Variants in SPAG9 observed in about 807,000 individuals in gnomAD.
SPAG9 encodes C-Jun-amino-terminal kinase-interacting protein 4.
A neutral mutation model predicts 166.5 loss-of-function variants in SPAG9; 35 were observed. That is an observed-to-expected ratio of 0.21 (90% CI 0.16 to 0.28). The LOEUF (loss-of-function observed/expected upper bound fraction) is 0.28. SPAG9 is among the 10% of genes least tolerant of loss of function. The probability of loss-of-function intolerance (pLI) is 1.00; values close to 1 mark genes in which losing one functional copy is unlikely to be tolerated. For synonymous variants in SPAG9, 534 were observed against 565.5 expected (o/e 0.94, Z 0.79); for missense variants, 1,235 against 1,603.3 (o/e 0.77, Z 3.92).
intron 23 of SPAG9, among the ~76,000 whole-genome samples, chr17:50,985,435 A>G (rs1974971408): frequency 6.6e-6 from 1 of 152,232 alleles, no homozygotes; most frequent in Admixed American, 6.5e-5. Context: ...ACATAACTTA[A>G]TAGGTATTGG....
At chr17:51,025,453 G>C (rs1568013976) in intron 6 of SPAG9, among the ~76,000 whole-genome samples, 1 of 142,360 alleles carries the variant, frequency 7.0e-6, no homozygotes, top group Non-Finnish European at 1.5e-5. Flanking sequence ...GAGTCAAAAA[G>C]ACTGACAGTA....
intron 1 of SPAG9, among the ~76,000 whole-genome samples, chr17:51,080,556 C>A (rs761716919): frequency 1.3e-5 from 2 of 152,172 alleles, no homozygotes; most frequent in African/African-American, 4.8e-5. Flanking sequence ...GTATGTCCAA[C>A]TGCCTACTAG....
intron 4 of SPAG9, chr17:51,042,439 G>A (rs1166471322): frequency 1.3e-5 from 2 of 152,146 alleles, no homozygotes; most frequent in Non-Finnish European, 2.9e-5. Flanking sequence ...AGAGCTTTTA[G>A]AGGGTGGAAA....
chr17:51,106,492 G>A (rs2048955201), intron 1 of SPAG9, among the ~76,000 whole-genome samples: 1 of 151,934 alleles, frequency 6.6e-6, no homozygotes. Context: ...TACATCCCCA[G>A]GGCTTAGAAC....
intron 28 of SPAG9, among the ~76,000 whole-genome samples, chr17:50,973,921 T>C (rs1304874419): frequency 6.6e-6 from 1 of 152,196 alleles, no homozygotes; most frequent in Non-Finnish European, 1.5e-5. Flanking sequence ...CCCAATTTCT[T>C]AACAGTAACT....
At chr17:51,095,992 G>GATATATATATATAGTGAT (rs199752558) in intron 1 of SPAG9, among the ~76,000 whole-genome samples, 4 of 75,188 alleles carry the variant, frequency 5.3e-5, no homozygotes, top group East Asian at 6.1e-4. Flanking sequence ...TATATATAGT[G>GATATATATATATAGTGAT]ATATATATAT....
chr17:51,063,819 T>C (rs1341601320), intron 2 of SPAG9, among the ~76,000 whole-genome samples: 4 of 152,036 alleles, frequency 2.6e-5, no homozygotes, highest in East Asian at 1.9e-4. Flanking sequence ...GAGGTGGAGG[T>C]TGCAGTGAGC....
intron 13 of SPAG9, among the ~76,000 whole-genome samples, chr17:51,000,974 AT>A (rs1351880777): frequency 6.6e-6 from 1 of 152,228 alleles, no homozygotes; most frequent in Non-Finnish European, 1.5e-5. Flanking sequence ...GTAAAATGAT[AT>A]GTTAAAACAC....
intron 1 of SPAG9, among the ~76,000 whole-genome samples, chr17:51,107,562 C>A (rs1360611947): frequency 6.6e-6 from 1 of 151,912 alleles, no homozygotes; most frequent in East Asian, 1.9e-4. Context: ...TATGGTAAAA[C>A]CCCATCTCTA....
chr17:51,107,100 CAA>C (rs527593488), intron 1 of SPAG9, among the ~76,000 whole-genome samples: 28 of 87,798 alleles, frequency 3.2e-4, no homozygotes, highest in Admixed American at 3.8e-4. Flanking sequence ...TGCTCCATCT[CAA>C]AAAAAAAAAA....
At chr17:51,022,973 T>TAATAATAATAATAATAAA (rs972193435) in intron 6 of SPAG9, among the ~76,000 whole-genome samples, 123 of 148,426 alleles carry the variant, frequency 8.3e-4, no homozygotes, top group African/African-American at 3.0e-3. Context: ...ATAATAATAA[T>TAATAATAATAATAATAAA]AAATCAGGGT....
intron 27 of SPAG9, chr17:50,975,313 G>A (rs1413626435): frequency 5.0e-6 from 1 of 199,294 alleles, no homozygotes; most frequent in East Asian, 1.6e-4. Flanking sequence ...ACAGTTTAAA[G>A]TAAATGGGTA....
intron 2 of SPAG9, among the ~76,000 whole-genome samples, chr17:51,076,985 T>TCTAGCTAGCTAGCTATCTAGCTAGCTAG: frequency 9.8e-6 from 1 of 101,678 alleles, no homozygotes; most frequent in South Asian, 2.8e-4. Flanking sequence ...ATCTATCTTA[T>TCTAGCTAGCTAGCTATCTAGCTAGCTAG]CTAGCTATCT....
intron 28 of SPAG9, 98 bp downstream of exon 28, chr17:50,974,673 A>G: frequency 2.9e-6 from 3 of 1,041,540 alleles, no homozygotes; most frequent in Non-Finnish European, 4.0e-6. Flanking sequence ...ATTACCTGCA[A>G]TTCGAGTACT....
At chr17:51,110,704 T>C (rs77180488) in intron 1 of SPAG9, among the ~76,000 whole-genome samples, 7,752 of 151,868 alleles carry the variant, frequency 0.051, 661 homozygotes, top group African/African-American at 0.18. Flanking sequence ...TAAAATAAAA[T>C]TCTATACCCT....
intron 18 of SPAG9, 97 bp from the exon 19 acceptor site, chr17:50,994,032 T>A: frequency 8.8e-7 from 1 of 1,130,250 alleles, no homozygotes. Context: ...CTATTTCAAA[T>A]TTATTTCCAG....
chr17:51,037,685 A>ATATATATATATATATATAGTGTGTGT, intron 5 of SPAG9, among the ~76,000 whole-genome samples: 1 of 83,492 alleles, frequency 1.2e-5, no homozygotes, highest in African/African-American at 3.9e-5. Context: ...ATATATATAT[A>ATATATATATATATATATAGTGTGTGT]GTGTGTGTGT....
rs2047466519 is a variant in SPAG9, at chr17:51,060,219, TAAG to T, written c.425-3740_425-3738del. Among the ~76,000 whole-genome samples the T allele has an allele frequency of 2.0e-5, 3 of 152,084 alleles. No homozygotes were observed. The South Asian group carries it at 6.2e-4, about 32-fold the overall frequency. The stretch of plus-strand genomic sequence containing the variant: ...GGGATAGGGCCTTTAAGAAGATAAT[TAAG>T]GGCCGGGCGAGGTGGCTCACACCTG... On this transcript the variant is annotated intron_variant, in intron 2 of 29. Coordinates refer to ENST00000262013, the MANE Select transcript of SPAG9 (RefSeq NM_001130528.3).
rs954348597 is a variant in SPAG9 at position 50,996,501 on chromosome 17, C to G, written c.1968+64G>C. On this transcript the variant is annotated intron_variant, in intron 16 of 29. Coordinates refer to ENST00000262013, the MANE Select transcript of SPAG9 (RefSeq NM_001130528.3). Reference sequence around the variant, plus strand: ...GGATGCGTACAGTGAATCCTTCATGCCCACGCACACTCAACTTGCCCTCTT... The same window carrying G: ...GGATGCGTACAGTGAATCCTTCATGGCCACGCACACTCAACTTGCCCTCTT... 6.9e-6 allele frequency: 11 copies of G among 1,585,170 alleles called. No individual in the cohort carries two copies. In the African/African-American group the frequency reaches 1.3e-4, roughly 19 times the overall value.
Sources: allele counts gnomAD v4.1 joint callset (sites outside exome capture counted in the v4.1 genomes callset), GRCh38; gene constraint gnomAD v4.1.1; transcripts MANE v1.5; gene names NCBI Gene and HGNC (gene_info 2026-07-23, HGNC 2026-07-21).